SLC26A3: variants seen among roughly 807,000 people sequenced by gnomAD.
SLC26A3 encodes the protein solute carrier family 26 member 3.
Under a neutral mutation model 85.6 loss-of-function variants are expected in SLC26A3, and 64 were observed. The ratio of observed to expected loss-of-function variants is 0.75; its 90% CI spans 0.61 to 0.92. SLC26A3 has a LOEUF of 0.92. SLC26A3 is among the 40% of genes least tolerant of loss of function. The probability of loss-of-function intolerance (pLI) is 0.00; values close to 1 mark genes in which losing one functional copy is unlikely to be tolerated. For missense variants in SLC26A3, 922 were observed against 927.3 expected (o/e 0.99, Z 0.07); for synonymous variants, 349 against 336.0 (o/e 1.04, Z -0.42).
Position 107,794,563 on chromosome 7 carries a change from A to G in SLC26A3, c.-54T>C. 1 of 1,607,170 alleles carries G rather than the reference A, an allele frequency of 6.2e-7. No homozygotes were observed. Among genetic ancestry groups the G allele is most frequent in the South Asian group, 1.1e-5 (1 of 90,922 alleles). On this transcript the variant is annotated 5_prime_UTR_variant, in exon 2 of 21. Transcript: ENST00000340010. Reference sequence around the variant, plus strand: ...TGAAGACCTTTGCAACTATGTGGTGAACACTTCTTCTTGCCTTTAGCAGGT... The same window carrying G: ...TGAAGACCTTTGCAACTATGTGGTGGACACTTCTTCTTGCCTTTAGCAGGT...
intron 1 of SLC26A3, among the ~76,000 whole-genome samples, chr7:107,796,034 G>T (rs986119960): frequency 6.6e-6 from 1 of 151,880 alleles, no homozygotes; most frequent in African/African-American, 2.4e-5. Flanking sequence ...TACTGCTTCT[G>T]CCCCACATCT....
intron 17 of SLC26A3, among the ~76,000 whole-genome samples, chr7:107,772,518 G>T (rs533155320): frequency 6.6e-6 from 1 of 152,286 alleles, no homozygotes; most frequent in South Asian, 2.1e-4. Flanking sequence ...ACAATGAATG[G>T]ATGTATCTAG....
Position 107,791,247 on chromosome 7 carries a change from T to C in SLC26A3, c.383-12A>G, listed in dbSNP as rs1794396442. On this transcript the variant is annotated splice_polypyrimidine_tract_variant and intron_variant, in intron 4 of 20. Transcript: ENST00000340010. Reference sequence around the variant, plus strand: ...AATCGGAAACGGACCTAATTAACAGTGGGTGAATCGTGGTCAGTATATGCC... The same window carrying C: ...AATCGGAAACGGACCTAATTAACAGCGGGTGAATCGTGGTCAGTATATGCC... The C allele has an allele frequency of 6.8e-6, 11 of 1,613,638 alleles. 1 individual carries two copies. Among genetic ancestry groups the C allele is most frequent in the Middle Eastern group, 3.3e-4 (2 of 6,082 alleles).
chr7:107,771,986 C>T lies in SLC26A3; in HGVS notation c.2062+68G>A. ...AATACTCATTCTTTGGAGAGGCTGT[C>T]TAGACTGAGAGTTGGCAGTGAGCCT... On this transcript the variant is annotated intron_variant, in intron 18 of 20. Coordinates refer to ENST00000340010, the MANE Select transcript of SLC26A3 (RefSeq NM_000111.3). 8 of 1,036,236 alleles carry T rather than the reference C, an allele frequency of 7.7e-6. No individual in the cohort carries two copies. The South Asian group carries it at 1.0e-4, about 13-fold the overall frequency. The allele number at this position is 1,036,236 out of a possible 1,614,324, so 64.2% of individuals were successfully genotyped here.
chr7:107,766,279 CTG>C (rs1207998190), intron 20 of SLC26A3, among the ~76,000 whole-genome samples: 1 of 152,170 alleles, frequency 6.6e-6, no homozygotes, highest in Non-Finnish European at 1.5e-5. Flanking sequence ...AGTTCCACCA[CTG>C]TGCTAGCTAG....
At chr7:107,775,958 GC>G (rs1331596435) in intron 15 of SLC26A3, 7 of 203,646 alleles carry the variant, frequency 3.4e-5, no homozygotes, top group Non-Finnish European at 5.0e-5. Flanking sequence ...GGAGGACTGA[GC>G]TTTTTTTCTT....
intron 13 of SLC26A3, among the ~76,000 whole-genome samples, chr7:107,777,956 C>G (rs915608474): frequency 1.3e-5 from 2 of 152,246 alleles, no homozygotes; most frequent in African/African-American, 4.8e-5. Flanking sequence ...AGCAGACCAA[C>G]AGCAAGTCTC....
At position 107,796,638 on chromosome 7, in the gene SLC26A3, CCAA is replaced by C. The variant is rs1205068616; in HGVS notation, c.-88-2044_-88-2042del. Among the ~76,000 whole-genome samples, 8 of 152,168 alleles carry C rather than the reference CCAA, an allele frequency of 5.3e-5. No homozygotes were observed. In the South Asian group the frequency reaches 1.0e-3, roughly 20 times the overall value. ...ATTTTTGTCTTTTTTTGGCTGATTA[CCAA>C]CAACATGGTTGGGGCAATAATAATT... On this transcript the variant is annotated intron_variant, in intron 1 of 20. Coordinates refer to ENST00000340010, the MANE Select transcript of SLC26A3 (RefSeq NM_000111.3).
intron 2 of SLC26A3, 58 bp from the exon 3 acceptor site, chr7:107,793,939 C>T (rs2115886492): frequency 1.9e-6 from 3 of 1,610,746 alleles, no homozygotes; most frequent in South Asian, 2.2e-5. Context: ...AGTTTAGTAC[C>T]TGTCGGTGGG....
Position 107,776,708 on chromosome 7 carries a change from TGTAG to T in SLC26A3, c.1515-6_1515-3del, listed in dbSNP as rs1191812221. The stretch of plus-strand genomic sequence containing the variant: ...TTAGCCAGCGTGCTGCATTTTGGAC[TGTAG>T]GGAGAAAAACACCAAGTAAATCATT... On this transcript the variant is annotated splice_region_variant and splice_polypyrimidine_tract_variant and intron_variant, in intron 13 of 20. Transcript: ENST00000340010. The T allele has an allele frequency of 6.2e-7, 1 of 1,612,990 alleles. No homozygotes were observed. Among genetic ancestry groups the T allele is most frequent in the East Asian group, 2.2e-5 (1 of 44,886 alleles).
In SLC26A3 at chr7:107,788,450, G is replaced by A. The variant is rs531895664; in HGVS notation, c.736-941C>T. Among the ~76,000 whole-genome samples, 6 of 152,188 alleles carry A rather than the reference G, an allele frequency of 3.9e-5. No homozygotes were observed. In the South Asian group the frequency reaches 8.3e-4, roughly 21 times the overall value. The stretch of plus-strand genomic sequence containing the variant: ...TAAATGTTCTTTTGTTTTCTAAACA[G>A]GATGCAAAAAGACCCAAGAACTTCA... On this transcript the variant is annotated intron_variant, in intron 6 of 20. Transcript: ENST00000340010.
intron 5 of SLC26A3, 29 bp downstream of exon 5, chr7:107,791,019 G>T: frequency 6.2e-7 from 1 of 1,609,232 alleles, no homozygotes; most frequent in Non-Finnish European, 8.5e-7. Flanking sequence ...ACAGATTGAG[G>T]TGGGCAAGTT....
chr7:107,775,490 C>G (rs921461456), intron 15 of SLC26A3, among the ~76,000 whole-genome samples: 1 of 151,574 alleles, frequency 6.6e-6, no homozygotes, highest in Non-Finnish European at 1.5e-5. Context: ...TTTGGGAGGC[C>G]GAGGTGGGAG....
At chr7:107,793,647 T>C (rs940762330) in intron 3 of SLC26A3, 95 bp downstream of exon 3, 1 of 938,092 alleles carries the variant, frequency 1.1e-6, no homozygotes, top group Non-Finnish European at 1.6e-6. Flanking sequence ...TGGTGACAGA[T>C]GCACAACCTA....
chr7:107,767,702 A>T, intron 19 of SLC26A3, 58 bp from the exon 20 acceptor site: 2 of 1,609,006 alleles, frequency 1.2e-6, no homozygotes, highest in African/African-American at 2.7e-5. Context: ...ATGTTGAAAA[A>T]GAGAAATTTA....
intron 18 of SLC26A3, among the ~76,000 whole-genome samples, chr7:107,768,792 G>A (rs1793957703): frequency 6.6e-6 from 1 of 152,094 alleles, no homozygotes; most frequent in Non-Finnish European, 1.5e-5. Context: ...CCGTCTAAAC[G>A]TGCCTAGGAT....
intron 17 of SLC26A3, among the ~76,000 whole-genome samples, chr7:107,773,700 G>A (rs536186092): frequency 1.3e-3 from 191 of 152,186 alleles, no homozygotes; most frequent in African/African-American, 4.3e-3. Flanking sequence ...ACAGGTGCAC[G>A]CCACCACACC....
Position 107,786,613 on chromosome 7 carries a change from G to GA in SLC26A3, c.971+213dup, listed in dbSNP as rs200098446. On this transcript the variant is annotated intron_variant, in intron 8 of 20. Transcript: ENST00000340010. Reference sequence around the variant, plus strand: ...AGAACTGCATTCACTGTGGGGAGGCGAAAAAAAAAAAAAAAGAACTGCACA... The same window carrying GA: ...AGAACTGCATTCACTGTGGGGAGGCGAAAAAAAAAAAAAAAAGAACTGCACA... Among the ~76,000 whole-genome samples the GA allele has an allele frequency of 0.26, 33,775 of 132,278 alleles. 4,206 individuals are homozygous for GA. Among genetic ancestry groups the GA allele is most frequent in the Admixed American group, 0.35 (4,653 of 13,246 alleles). The allele number at this position is 132,278 out of a possible 152,430, so 86.8% of individuals were successfully genotyped here.
chr7:107,767,262 C>A (rs891093472), intron 20 of SLC26A3, among the ~76,000 whole-genome samples: 4 of 152,148 alleles, frequency 2.6e-5, no homozygotes, highest in African/African-American at 9.7e-5. Flanking sequence ...ACCTTCCCTG[C>A]TACGTGGATT....
Sources: allele counts gnomAD v4.1 joint callset (sites outside exome capture counted in the v4.1 genomes callset), GRCh38; gene constraint gnomAD v4.1.1; transcripts MANE v1.5; gene names NCBI Gene and HGNC (gene_info 2026-07-23, HGNC 2026-07-21).